HDAC9: variants seen among roughly 807,000 people sequenced by gnomAD.
The protein encoded by HDAC9 is MEF-2 interacting transcription repressor (MITR) protein.
Under a neutral mutation model 139.4 loss-of-function variants are expected in HDAC9, and 41 were observed. The observed-to-expected ratio is 0.29, with a 90% CI of 0.23 to 0.38. The LOEUF is 0.38. HDAC9 is among the 10% of genes least tolerant of loss of function. The pLI is 1.00. For synonymous variants in HDAC9, 517 were observed against 476.2 expected, an observed-to-expected ratio of 1.09 and a Z score of -1.12; for missense variants, 1,147 against 1,297.0, an observed-to-expected ratio of 0.88 and a Z score of 1.78.
chr7:18,269,444 A>G (rs2128212190), intron 2 of HDAC9, among the ~76,000 whole-genome samples: 1 of 152,336 alleles, frequency 6.6e-6, no homozygotes, highest in African/African-American at 2.4e-5. Flanking sequence ...GGTTTAAAAG[A>G]GAGTAGAAGG....
chr7:18,831,363 A>T (rs1439131616), intron 19 of HDAC9, among the ~76,000 whole-genome samples: 1 of 152,208 alleles, frequency 6.6e-6, no homozygotes, highest in Non-Finnish European at 1.5e-5. Flanking sequence ...TTTGTACAGT[A>T]ATACAGTATA....
chr7:18,717,787 T>A (rs548931392), intron 12 of HDAC9, among the ~76,000 whole-genome samples: 1 of 152,170 alleles, frequency 6.6e-6, no homozygotes, highest in East Asian at 1.9e-4. Flanking sequence ...AATATAAAAA[T>A]ATATATACAA....
intron 12 of HDAC9, among the ~76,000 whole-genome samples, chr7:18,722,767 T>A (rs1785234496): frequency 6.6e-6 from 1 of 152,142 alleles, no homozygotes; most frequent in African/African-American, 2.4e-5. Context: ...TTTGTAAAAG[T>A]GTATAATTGC....
intron 14 of HDAC9, among the ~76,000 whole-genome samples, chr7:18,753,909 T>G (rs543833193): frequency 6.6e-6 from 1 of 152,116 alleles, no homozygotes; most frequent in Non-Finnish European, 1.5e-5. Context: ...AGCAGTTCTT[T>G]TGGAACATAA....
intron 9 of HDAC9, among the ~76,000 whole-genome samples, chr7:18,646,042 A>T (rs1056577120): frequency 1.5e-4 from 23 of 152,208 alleles, no homozygotes; most frequent in Non-Finnish European, 3.4e-4. Context: ...ATTCCACATG[A>T]AACATTTGTA....
At chr7:18,850,687 C>T (rs1300626107) in intron 21 of HDAC9, among the ~76,000 whole-genome samples, 1 of 152,184 alleles carries the variant, frequency 6.6e-6, no homozygotes, top group Non-Finnish European at 1.5e-5. Context: ...GCATTCCTGT[C>T]TTGCTTCATT....
chr7:18,391,913 T>C (rs1202563421), intron 1 of HDAC9, among the ~76,000 whole-genome samples: 2 of 152,220 alleles, frequency 1.3e-5, no homozygotes, highest in East Asian at 3.9e-4. Flanking sequence ...GTAGTAAGCA[T>C]TGCCCATTAT....
intron 23 of HDAC9, among the ~76,000 whole-genome samples, chr7:18,944,752 T>G (rs915165926): frequency 8.5e-5 from 13 of 152,204 alleles, no homozygotes; most frequent in African/African-American, 2.9e-4. Context: ...AATTTTCTGA[T>G]GTCTAAGACT....
At chr7:18,983,853 A>G (rs931968878) in intron 25 of HDAC9, among the ~76,000 whole-genome samples, 1 of 152,152 alleles carries the variant, frequency 6.6e-6, no homozygotes, top group African/African-American at 2.4e-5. Context: ...TCATGTCCAC[A>G]TCAGGGCTTC....
At chr7:18,829,268 C>T (rs1199305585) in intron 18 of HDAC9, 52 bp downstream of exon 18, 1 of 1,407,862 alleles carries the variant, frequency 7.1e-7, no homozygotes, top group Non-Finnish European at 1.0e-6. Flanking sequence ...TCCTGGCGGT[C>T]ACCTGCCCCG....
intron 1 of HDAC9, among the ~76,000 whole-genome samples, chr7:18,437,323 C>T (rs893332234): frequency 1.3e-5 from 2 of 152,044 alleles, no homozygotes; most frequent in African/African-American, 4.8e-5. Context: ...GAGCTCTAGC[C>T]AGAGGAACTT....
chr7:18,332,723 A>G (rs777476629), intron 1 of HDAC9, among the ~76,000 whole-genome samples: 2 of 151,592 alleles, frequency 1.3e-5, no homozygotes, highest in East Asian at 1.9e-4. Flanking sequence ...GAAAAATACT[A>G]CATCTCAATT....
intron 2 of HDAC9, among the ~76,000 whole-genome samples, chr7:18,254,337 T>C (rs908119533): frequency 2.6e-5 from 4 of 152,356 alleles, no homozygotes; most frequent in South Asian, 4.1e-4. Flanking sequence ...TATTCACTTA[T>C]CTTCTCTAAG....
intron 6 of HDAC9, among the ~76,000 whole-genome samples, chr7:18,622,316 C>T (rs1840419918): frequency 6.6e-6 from 1 of 152,010 alleles, no homozygotes; most frequent in Non-Finnish European, 1.5e-5. Context: ...ATTTTAAAAA[C>T]ATGTATGTAT....
At chr7:18,757,087 CAGAT>C (rs1173229546) in intron 14 of HDAC9, among the ~76,000 whole-genome samples, 1 of 151,726 alleles carries the variant, frequency 6.6e-6, no homozygotes, top group Admixed American at 6.6e-5. Flanking sequence ...TTAAGAAAGA[CAGAT>C]AGATAAAAAA....
chr7:18,140,368 A>T (rs894365368), intron 1 of HDAC9, among the ~76,000 whole-genome samples: 8 of 152,300 alleles, frequency 5.3e-5, no homozygotes, highest in Middle Eastern at 3.4e-3. Flanking sequence ...ACATCTGCAT[A>T]AAAGTTATTG....
At chr7:18,895,358 G>GA (rs1801089056) in intron 22 of HDAC9, among the ~76,000 whole-genome samples, 1 of 152,072 alleles carries the variant, frequency 6.6e-6, no homozygotes, top group South Asian at 2.1e-4. Context: ...TAAGAGAAAT[G>GA]AAAAATTGGT....
chr7:18,171,458 G>C (rs113572395), intron 2 of HDAC9, among the ~76,000 whole-genome samples: 3,377 of 152,052 alleles, frequency 0.022, 130 homozygotes, highest in African/African-American at 0.076. Flanking sequence ...GCCTGATTGC[G>C]CTGGCCAGAA....
At chr7:18,959,424 A>G (rs1220579952) in intron 24 of HDAC9, among the ~76,000 whole-genome samples, 1 of 152,160 alleles carries the variant, frequency 6.6e-6, no homozygotes, top group Non-Finnish European at 1.5e-5. Context: ...CTTGAATGAT[A>G]ATAATCATAA....
Sources: gnomAD v4.1 joint callset for allele counts (sites outside exome capture counted in the v4.1 genomes callset) on GRCh38, gnomAD v4.1.1 for gene constraint, MANE v1.5 for transcripts, NCBI Gene and HGNC (gene_info 2026-07-23, HGNC 2026-07-21) for gene names.